SENP1: variants seen among roughly 807,000 people sequenced by gnomAD.
SENP1 encodes the protein SUMO specific peptidase 1.
In SENP1, 21 loss-of-function variants were observed where a neutral mutation model predicts 93.0. The observed-to-expected ratio is 0.23, with a 90% CI of 0.16 to 0.33. The LOEUF (loss-of-function observed/expected upper bound fraction) is 0.33. Ranked by LOEUF, SENP1 falls within the 10% of genes least tolerant of loss-of-function variation. The probability of loss-of-function intolerance (pLI) is 1.00; values close to 1 mark genes in which losing one functional copy is unlikely to be tolerated. For missense variants in SENP1, 591 were observed against 758.7 expected, an observed-to-expected ratio of 0.78 and a Z score of 2.60; for synonymous variants, 256 against 259.6, an observed-to-expected ratio of 0.99 and a Z score of 0.13.
Position 48,049,163 on chromosome 12 carries a change from G to C in SENP1, c.1408-31C>G, listed in dbSNP as rs1346800291. The C allele has an allele frequency of 3.2e-6, 5 of 1,542,458 alleles. No homozygotes were observed. In the African/African-American group the frequency reaches 4.1e-5, roughly 13 times the overall value. On this transcript the variant is annotated intron_variant, in intron 13 of 17. Transcript: ENST00000549518. Reference sequence around the variant, plus strand: ...GGAAGAAATTACACCTATTAGAATAGACACTCAGGCCTAGCCTTTCAAAAT... The same window carrying C: ...GGAAGAAATTACACCTATTAGAATACACACTCAGGCCTAGCCTTTCAAAAT...
In SENP1 at chr12:48,044,353, CATACAT is replaced by C. The variant is rs2136709976; in HGVS notation, c.*963_*968del. On this transcript the variant is annotated 3_prime_UTR_variant, in exon 18 of 18. Coordinates refer to ENST00000549518, the MANE Select transcript of SENP1 (RefSeq NM_001267594.2). Reference sequence around the variant, plus strand: ...AAGCATATCCCTGTGAAATTTTATACATACATATATATATATATATATGTATGTGTA... The same window carrying C: ...AAGCATATCCCTGTGAAATTTTATACATATATATATATATATGTATGTGTA... 1 of 78,644 alleles carries C rather than the reference CATACAT, an allele frequency of 1.3e-5. No individual in the cohort carries two copies. Among genetic ancestry groups the C allele is most frequent in the South Asian group, 4.4e-4 (1 of 2,272 alleles). 4.9% of individuals were successfully genotyped at this position (78,644 alleles called of 1,614,324 possible). A position where few individuals can be genotyped will look rare whatever the true frequency, so the allele number is the denominator to read the frequency against.
intron 14 of SENP1, among the ~76,000 whole-genome samples, chr12:48,048,671 C>T (rs1941556662): frequency 6.6e-6 from 1 of 152,100 alleles, no homozygotes; most frequent in African/African-American, 2.4e-5. Context: ...TTCCCCCATG[C>T]CTTCCTTTAA....
intron 1 of SENP1, among the ~76,000 whole-genome samples, chr12:48,104,227 AT>A (rs1233813384): frequency 8.2e-5 from 3 of 36,550 alleles, no homozygotes; most frequent in African/African-American, 5.2e-4. Flanking sequence ...GAAGAAAAAA[AT>A]ATATATAGAG....
At chr12:48,085,422 G>C in intron 5 of SENP1, 4 of 1,093,404 alleles carry the variant, frequency 3.7e-6, no homozygotes, top group Non-Finnish European at 5.3e-6. Flanking sequence ...CCTGTGCTAG[G>C]GTCTTTGTGT....
intron 9 of SENP1, among the ~76,000 whole-genome samples, chr12:48,069,256 GA>G (rs1384732090): frequency 6.6e-6 from 1 of 151,326 alleles, no homozygotes; most frequent in Non-Finnish European, 1.5e-5. Context: ...AGAAGGATCA[GA>G]ATGTATAAAG....
chr12:48,081,297 G>A (rs2137113065), intron 6 of SENP1: 1 of 152,146 alleles, frequency 6.6e-6, no homozygotes, highest in East Asian at 1.9e-4. Flanking sequence ...TAGCATAAAA[G>A]GTATAATGAA....
chr12:48,043,684 G>A lies in SENP1; in HGVS notation c.*1638C>T, dbSNP rs1366149185. 6.6e-6 allele frequency: 1 copy of A among 152,554 alleles called. No individual in the cohort carries two copies. Among genetic ancestry groups the A allele is most frequent in the Non-Finnish European group, 1.5e-5 (1 of 68,024 alleles). 9.5% of individuals were successfully genotyped at this position (152,554 alleles called of 1,614,324 possible). Reference sequence around the variant, plus strand: ...GAGAGAAAAAACAAACACACAAAAGGTGGTCTTTCCCCAAAAGGCAGGCAG... The same window carrying A: ...GAGAGAAAAAACAAACACACAAAAGATGGTCTTTCCCCAAAAGGCAGGCAG... On this transcript the variant is annotated 3_prime_UTR_variant, in exon 18 of 18. Coordinates refer to ENST00000549518, the MANE Select transcript of SENP1 (RefSeq NM_001267594.2).
intron 4 of SENP1, among the ~76,000 whole-genome samples, chr12:48,090,662 T>C (rs143517872): frequency 5.5e-4 from 83 of 152,208 alleles, no homozygotes; most frequent in African/African-American, 1.9e-3. Context: ...AGTGGCACAA[T>C]GATAGCTCAC....
intron 5 of SENP1, chr12:48,085,498 C>A: frequency 1.8e-6 from 1 of 553,400 alleles, no homozygotes; most frequent in Non-Finnish European, 3.1e-6. Context: ...TGCCATCAGC[C>A]TTCTTTACAT....
chr12:48,100,761 GT>G (rs1565813932), intron 2 of SENP1, among the ~76,000 whole-genome samples: 4 of 152,266 alleles, frequency 2.6e-5, no homozygotes, highest in African/African-American at 9.6e-5. Context: ...CTTAACTTCT[GT>G]GTCTCAGTTT....
At chr12:48,071,811 A>G (rs1303078968) in intron 8 of SENP1, 90 bp from the exon 9 acceptor site, 87 of 844,254 alleles carry the variant, frequency 1.0e-4, no homozygotes, top group Non-Finnish European at 1.5e-4. Context: ...ATACTTTGCT[A>G]TATTTTATTT....
chr12:48,097,820 C>A, intron 3 of SENP1, 174 bp downstream of exon 3: 3 of 553,586 alleles, frequency 5.4e-6, no homozygotes, highest in Non-Finnish European at 9.2e-6. Flanking sequence ...TTTGTCTTAA[C>A]GTCCTTGTCT....
In SENP1 at chr12:48,101,460, T is replaced by C; in HGVS notation, c.4+9A>G. ...TAGCTAAAAGGATTCAACAGCTAGTTAGTCTTACCCATTTCAAGTCTTTTC... is the reference window on the plus strand; with the variant it reads ...TAGCTAAAAGGATTCAACAGCTAGTCAGTCTTACCCATTTCAAGTCTTTTC... On this transcript the variant is annotated intron_variant, in intron 2 of 17. Transcript: ENST00000549518. 1 of 1,597,428 alleles carries C rather than the reference T, an allele frequency of 6.3e-7. No individual in the cohort carries two copies. The highest frequency in any genetic ancestry group is 8.5e-7 in the Non-Finnish European group (1 of 1,172,582).
At position 48,070,237 on chromosome 12, in the gene SENP1, C is replaced by T. The variant is rs142494487; in HGVS notation, c.995+1430G>A. ...TTGTATTTGCAAACTGAAAATAGTC[C>T]AGCTTATAAAAACACATGAAAGAGT... On this transcript the variant is annotated intron_variant, in intron 9 of 17. Coordinates refer to ENST00000549518, the MANE Select transcript of SENP1 (RefSeq NM_001267594.2). Among the ~76,000 whole-genome samples the T allele has an allele frequency of 3.3e-3, 503 of 152,164 alleles. 4 individuals carry two copies. The highest frequency in any genetic ancestry group is 0.011 in the African/African-American group (474 of 41,504).
chr12:48,085,715 C>CAAA (rs200416260), intron 5 of SENP1, among the ~76,000 whole-genome samples: 47 of 116,228 alleles, frequency 4.0e-4, no homozygotes, highest in African/African-American at 4.4e-4. Flanking sequence ...TTGCTTCTCT[C>CAAA]AAAAAAAAAA....
chr12:48,087,107 A>G (rs1182080241), intron 5 of SENP1, among the ~76,000 whole-genome samples: 1 of 152,186 alleles, frequency 6.6e-6, no homozygotes, highest in Admixed American at 6.6e-5. Flanking sequence ...GTTATAAGTG[A>G]CAAAGCCAAT....
At chr12:48,096,537 C>A in intron 3 of SENP1, 110 bp from the exon 4 acceptor site, 1 of 631,310 alleles carries the variant, frequency 1.6e-6, no homozygotes, top group Admixed American at 2.6e-5. Flanking sequence ...CTCACTGCAA[C>A]CTCCGCCTCC....
At chr12:48,092,618 T>C (rs1945288234) in intron 4 of SENP1, among the ~76,000 whole-genome samples, 1 of 152,182 alleles carries the variant, frequency 6.6e-6, no homozygotes, top group Non-Finnish European at 1.5e-5. Context: ...CATTTCAGTA[T>C]GACTTTATTA....
intron 6 of SENP1, chr12:48,080,630 G>A (rs187757655): frequency 6.6e-6 from 1 of 152,276 alleles, no homozygotes; most frequent in East Asian, 1.9e-4. Context: ...GTTCCCATCA[G>A]TAAATTTAGT....
Sources: allele counts gnomAD v4.1 joint callset (sites outside exome capture counted in the v4.1 genomes callset), GRCh38; gene constraint gnomAD v4.1.1; transcripts MANE v1.5; gene names NCBI Gene and HGNC (gene_info 2026-07-23, HGNC 2026-07-21).